Variants in SLC6A6 observed in about 807,000 individuals in gnomAD.
SLC6A6 encodes the protein solute carrier family 6 member 6.
SLC6A6 carries 16 observed loss-of-function variants against 68.8 expected under a neutral mutation model. The ratio of observed to expected loss-of-function variants is 0.23; its 90% CI spans 0.16 to 0.35. SLC6A6 has a LOEUF of 0.35. SLC6A6 is among the 10% of genes least tolerant of loss of function. SLC6A6 has a pLI of 1.00. For synonymous variants in SLC6A6, 312 were observed against 315.4 expected (o/e 0.99, Z 0.12); for missense variants, 474 against 802.8 (o/e 0.59, Z 4.95).
At chr3:14,420,161 A>C (rs1325823329) in intron 2 of SLC6A6, among the ~76,000 whole-genome samples, 1 of 152,236 alleles carries the variant, frequency 6.6e-6, no homozygotes, top group Non-Finnish European at 1.5e-5. Context: ...GAACAGGCAC[A>C]GTGGCTCACG....
chr3:14,437,811 ATTATT>A (rs913242799), intron 2 of SLC6A6, among the ~76,000 whole-genome samples: 1 of 150,682 alleles, frequency 6.6e-6, no homozygotes, highest in Admixed American at 6.6e-5. Flanking sequence ...TTATTTATTT[ATTATT>A]TTATTTTATT....
intron 2 of SLC6A6, among the ~76,000 whole-genome samples, chr3:14,437,380 C>A (rs1475651852): frequency 2.0e-5 from 3 of 152,020 alleles, no homozygotes; most frequent in African/African-American, 7.3e-5. Flanking sequence ...ACCTCAGCCT[C>A]CCGAGTAGCT....
At chr3:14,409,737 C>A (rs186796587) in intron 1 of SLC6A6, among the ~76,000 whole-genome samples, 134 of 152,356 alleles carry the variant, frequency 8.8e-4, no homozygotes, top group Middle Eastern at 3.4e-3. Context: ...GGGAACGCCG[C>A]CTCAGGTCTG....
In SLC6A6 at chr3:14,466,607, A is replaced by G; in HGVS notation, c.824A>G (p.Lys275Arg). 1.9e-6 allele frequency: 3 copies of G among 1,612,116 alleles called. No individual in the cohort carries two copies. The South Asian group carries it at 3.3e-5, about 18-fold the overall frequency. The change falls in exon 7 of 15, where the codon AAG becomes AGG. Residue 275 changes from lysine to arginine, a missense_variant. Coordinates refer to ENST00000622186, the MANE Select transcript of SLC6A6 (RefSeq NM_003043.6). ...CTGCCGGGCGCGGGCGCAGGCATCA[A>G]GTTCTATCTGTATCCTGACATCACC... ...LTLPGAGAGIKFYLYPDITRL... is the reference protein window; with the variant it reads ...LTLPGAGAGIRFYLYPDITRL...
At position 14,466,995 on chromosome 3, in the gene SLC6A6, G is replaced by A. The variant is rs9871233; in HGVS notation, c.867+345G>A. Among the ~76,000 whole-genome samples, 1,409 of 152,328 alleles carry A rather than the reference G, an allele frequency of 9.2e-3. 23 individuals carry two copies. Among genetic ancestry groups the A allele is most frequent in the African/African-American group, 0.032 (1,343 of 41,568 alleles). Reference sequence around the variant, plus strand: ...GCTTCTGCCCACTGCAGCCACAAGGGCTGCTGCATCCTGGGGATGGGAGAG... The same window carrying A: ...GCTTCTGCCCACTGCAGCCACAAGGACTGCTGCATCCTGGGGATGGGAGAG... On this transcript the variant is annotated intron_variant, in intron 7 of 14. Coordinates refer to ENST00000622186, the MANE Select transcript of SLC6A6 (RefSeq NM_003043.6).
intron 2 of SLC6A6, among the ~76,000 whole-genome samples, chr3:14,425,454 T>C (rs1309793911): frequency 6.6e-6 from 1 of 152,044 alleles, no homozygotes; most frequent in Non-Finnish European, 1.5e-5. Context: ...TATGTAGAAC[T>C]CGGCCATCTG....
intron 10 of SLC6A6, among the ~76,000 whole-genome samples, chr3:14,475,552 A>G (rs931535599): frequency 3.9e-5 from 6 of 152,148 alleles, no homozygotes; most frequent in Admixed American, 2.6e-4. Context: ...AGCCAATCAC[A>G]CAGCTGTTAA....
chr3:14,423,987 T>C (rs1699536568), intron 2 of SLC6A6, among the ~76,000 whole-genome samples: 1 of 151,948 alleles, frequency 6.6e-6, no homozygotes, highest in African/African-American at 2.4e-5. Flanking sequence ...GGGAGAAGGG[T>C]CGTCCCAGCT....
chr3:14,469,644 G>A (rs1404289115), intron 9 of SLC6A6, among the ~76,000 whole-genome samples: 1 of 152,180 alleles, frequency 6.6e-6, no homozygotes, highest in Non-Finnish European at 1.5e-5. Flanking sequence ...TCTGACACAA[G>A]GGTGTCCCCC....
intron 4 of SLC6A6, among the ~76,000 whole-genome samples, chr3:14,447,223 TC>T (rs1406930186): frequency 7.2e-6 from 1 of 138,728 alleles, no homozygotes; most frequent in Non-Finnish European, 1.5e-5. Context: ...TATTCAGCTA[TC>T]CATCCATCCA....
intron 2 of SLC6A6, among the ~76,000 whole-genome samples, chr3:14,431,160 T>C (rs1288863807): frequency 6.6e-6 from 1 of 152,154 alleles, no homozygotes; most frequent in Non-Finnish European, 1.5e-5. Context: ...GATGGGAAAC[T>C]GTGCTCAGAT....
At chr3:14,465,128 A>C (rs1700586687) in intron 6 of SLC6A6, among the ~76,000 whole-genome samples, 1 of 152,182 alleles carries the variant, frequency 6.6e-6, no homozygotes, top group Non-Finnish European at 1.5e-5. Context: ...CTAGGATCGA[A>C]CTGTCCATTC....
Position 14,468,334 on chromosome 3 carries a change from G to C in SLC6A6, c.1096+122G>C. ...GGGGACGAGCCTGGTTTCTAAAATGGACCCCCCCCCCGCCACCAAGATATC... is the reference window on the plus strand; with the variant it reads ...GGGGACGAGCCTGGTTTCTAAAATGCACCCCCCCCCCGCCACCAAGATATC... On this transcript the variant is annotated intron_variant, in intron 9 of 14. Coordinates refer to ENST00000622186, the MANE Select transcript of SLC6A6 (RefSeq NM_003043.6). The surrounding 1 kb of genome is among the most constrained non-coding windows in gnomAD (Gnocchi z 4.5). 2.7e-6 allele frequency: 2 copies of C among 751,492 alleles called. No individual in the cohort carries two copies. The highest frequency in any genetic ancestry group is 3.9e-6 in the Non-Finnish European group (2 of 517,006). The allele number at this position is 751,492 out of a possible 1,614,324, so 46.6% of individuals were successfully genotyped here.
Position 14,485,284 on chromosome 3 carries a change from A to T in SLC6A6, c.*277A>T. On this transcript the variant is annotated 3_prime_UTR_variant, in exon 15 of 15. Transcript: ENST00000622186. The stretch of plus-strand genomic sequence containing the variant: ...AGAGCTTTCATACTGAATTAGATGT[A>T]TTTTATGGGAATTTGGTAAATTTTT... The T allele has an allele frequency of 3.6e-6, 1 of 274,776 alleles. No individual in the cohort carries two copies. The highest frequency in any genetic ancestry group is 5.0e-5 in the Admixed American group (1 of 19,962). The allele number at this position is 274,776 out of a possible 1,614,324, so 17.0% of individuals were successfully genotyped here.
At chr3:14,445,290 G>A (rs9811103) in intron 3 of SLC6A6, among the ~76,000 whole-genome samples, 41,105 of 151,754 alleles carry the variant, frequency 0.27, 6,160 homozygotes, top group East Asian at 0.45. Context: ...GCGTGGTGGC[G>A]GGCGCCTGTA....
At chr3:14,425,220 C>G (rs527552098) in intron 2 of SLC6A6, among the ~76,000 whole-genome samples, 4 of 152,202 alleles carry the variant, frequency 2.6e-5, no homozygotes, top group African/African-American at 9.7e-5. Flanking sequence ...ACTGAGCCCC[C>G]CAGGGGGAAG....
At chr3:14,443,073 G>A (rs755331364) in intron 2 of SLC6A6, among the ~76,000 whole-genome samples, 7 of 152,040 alleles carry the variant, frequency 4.6e-5, no homozygotes, top group South Asian at 2.1e-4. Context: ...TTCCTCGTTC[G>A]TTTCCGTCTA....
intron 7 of SLC6A6, 105 bp from the exon 8 acceptor site, chr3:14,467,748 C>A: frequency 3.0e-6 from 2 of 664,742 alleles, no homozygotes; most frequent in Non-Finnish European, 5.3e-6. Context: ...TGCAAGGTCC[C>A]GTCCCCAGGC....
chr3:14,435,798 C>T (rs1699839235), intron 2 of SLC6A6, among the ~76,000 whole-genome samples: 1 of 152,220 alleles, frequency 6.6e-6, no homozygotes, highest in South Asian at 2.1e-4. Context: ...GCATATAAAC[C>T]AGATTTCAAC....
Sources: allele counts gnomAD v4.1 joint callset (sites outside exome capture counted in the v4.1 genomes callset), GRCh38; gene constraint gnomAD v4.1.1; non-coding constraint Gnocchi (gnomAD v3.1); transcripts MANE v1.5; gene names NCBI Gene and HGNC (gene_info 2026-07-23, HGNC 2026-07-21).